SMPX: variants seen among roughly 807,000 people sequenced by gnomAD.
SMPX encodes small muscle protein X-linked.
In SMPX, 2 loss-of-function variants were observed where a neutral mutation model predicts 6.3. The observed-to-expected ratio is 0.32, with a 90% CI of 0.13 to 0.99. The LOEUF is 0.99. Among genes scored for constraint, SMPX ranks in the 50% least tolerant of loss-of-function variants. SMPX has a pLI of 0.49. For missense variants in SMPX, 60 were observed against 66.8 expected, an observed-to-expected ratio of 0.90 and a Z score of 0.36; for synonymous variants, 32 against 24.7, an observed-to-expected ratio of 1.30 and a Z score of -0.88.
chrX:21,737,914 CAAGT>C (rs2092812224), intron 3 of SMPX, among the ~76,000 whole-genome samples: 1 of 112,438 alleles, frequency 8.9e-6, no homozygotes, highest in Admixed American at 9.4e-5. Context: ...AAGAAGAAAA[CAAGT>C]AATTTCCACA....
intron 3 of SMPX, among the ~76,000 whole-genome samples, chrX:21,743,227 GTTGT>G (rs199524111): frequency 0.015 from 1,642 of 111,824 alleles, 36 homozygotes; most frequent in South Asian, 0.088. Context: ...TTGTTTGTTT[GTTGT>G]TTATTTGAAT....
At chrX:21,718,094 T>G (rs1255284402) in intron 4 of SMPX, among the ~76,000 whole-genome samples, 1 of 110,882 alleles carries the variant, frequency 9.0e-6, no homozygotes, top group Non-Finnish European at 1.9e-5. Context: ...TTTTGTGGGG[T>G]TTGGTTTTGT....
chrX:21,757,026 T>C (rs1389044257), intron 1 of SMPX, among the ~76,000 whole-genome samples: 1 of 111,957 alleles, frequency 8.9e-6, no homozygotes, highest in Non-Finnish European at 1.9e-5. Flanking sequence ...GGGCAGCACC[T>C]AATATCTGAC....
intron 4 of SMPX, chrX:21,727,656 C>T (rs1182808804): frequency 8.9e-6 from 1 of 111,901 alleles, no homozygotes; most frequent in Non-Finnish European, 1.9e-5. Context: ...AATCTGTCGA[C>T]TGCTTAATAG....
chrX:21,726,423 G>A (rs16999162), intron 4 of SMPX, among the ~76,000 whole-genome samples: 6,319 of 112,433 alleles, frequency 0.056, 409 homozygotes, highest in African/African-American at 0.19. Context: ...ATAGGACACT[G>A]GGATTTTAGA....
chrX:21,724,049 A>G (rs957098437), intron 4 of SMPX, among the ~76,000 whole-genome samples: 16 of 112,191 alleles, frequency 1.4e-4, no homozygotes, highest in African/African-American at 4.9e-4. Flanking sequence ...AAGCAGGTCT[A>G]TAATTGGCCC....
At chrX:21,710,105 C>T (rs1012873280) in intron 4 of SMPX, among the ~76,000 whole-genome samples, 3 of 111,866 alleles carry the variant, frequency 2.7e-5, no homozygotes, top group African/African-American at 9.7e-5. Flanking sequence ...ATAAGATGTC[C>T]TTCACGACTG....
At chrX:21,708,401 T>C (rs1257352650) in intron 4 of SMPX, among the ~76,000 whole-genome samples, 2 of 112,609 alleles carry the variant, frequency 1.8e-5, no homozygotes, top group Non-Finnish European at 3.8e-5. Context: ...AGCTTCTCTT[T>C]CTTGTATATT....
At position 21,706,361 on chromosome X, in the gene SMPX, C is replaced by T. The variant is rs959091000; in HGVS notation, c.*48G>A. On this transcript the variant is annotated 3_prime_UTR_variant, in exon 5 of 5. Transcript: ENST00000379494. Reference sequence around the variant, plus strand: ...ATAAAATTTTAGTGAGCTATTGAATCCATCTTCTGCCTCTTTATTTCTTCA... The same window carrying T: ...ATAAAATTTTAGTGAGCTATTGAATTCATCTTCTGCCTCTTTATTTCTTCA... 2.3e-6 allele frequency: 1 copy of T among 430,806 alleles called. No individual in the cohort carries two copies. Among genetic ancestry groups the T allele is most frequent in the Non-Finnish European group, 4.2e-6 (1 of 239,684 alleles). The allele number at this position is 430,806 out of a possible 1,213,427, so 35.5% of individuals were successfully genotyped here.
chrX:21,736,621 T>C (rs2092810706), intron 4 of SMPX, among the ~76,000 whole-genome samples: 1 of 111,844 alleles, frequency 8.9e-6, no homozygotes, highest in Non-Finnish European at 1.9e-5. Context: ...GAACACTCAA[T>C]AAATATCGAT....
chrX:21,749,410 G>A (rs2092825019), intron 2 of SMPX, among the ~76,000 whole-genome samples: 1 of 111,844 alleles, frequency 8.9e-6, no homozygotes, highest in South Asian at 3.8e-4. Context: ...TAAAGGTTGA[G>A]TTCTTTAAAA....
chrX:21,743,844 A>G lies in SMPX; in HGVS notation c.46-8T>C. On this transcript the variant is annotated splice_polypyrimidine_tract_variant and splice_region_variant and intron_variant, in intron 2 of 4. Coordinates refer to ENST00000379494, the MANE Select transcript of SMPX (RefSeq NM_014332.3). ...TGGAATATTGATATTTGCCTAAAAG[A>G]GAAAACAGGGTAGGTTTAGCTCAAA... 2.6e-6 allele frequency: 3 copies of G among 1,170,406 alleles called. No individual in the cohort carries two copies. Among genetic ancestry groups the G allele is most frequent in the Non-Finnish European group, 3.5e-6 (3 of 857,841 alleles).
intron 1 of SMPX, among the ~76,000 whole-genome samples, chrX:21,757,149 TG>T (rs1426871008): frequency 8.9e-6 from 1 of 112,339 alleles, no homozygotes; most frequent in East Asian, 2.8e-4. Flanking sequence ...GAGCTTTGTT[TG>T]TTCTTTTTAA....
At chrX:21,723,625 C>T (rs1337522241) in intron 4 of SMPX, among the ~76,000 whole-genome samples, 1 of 112,117 alleles carries the variant, frequency 8.9e-6, no homozygotes, top group African/African-American at 3.2e-5. Context: ...CCTACATGTT[C>T]AGTGAGGTTG....
intron 4 of SMPX, among the ~76,000 whole-genome samples, chrX:21,711,750 G>A (rs984441782): frequency 1.8e-5 from 2 of 111,846 alleles, no homozygotes; most frequent in Non-Finnish European, 3.8e-5. Context: ...CAGGGGCAGT[G>A]CAATGATTAC....
intron 4 of SMPX, among the ~76,000 whole-genome samples, chrX:21,727,956 G>A (rs1004912348): frequency 1.8e-5 from 2 of 111,993 alleles, no homozygotes; most frequent in African/African-American, 6.5e-5. Flanking sequence ...AGTTTTCTGC[G>A]TGGGCTGCAC....
intron 3 of SMPX, among the ~76,000 whole-genome samples, chrX:21,742,582 A>C (rs2092817197): frequency 9.0e-6 from 1 of 111,648 alleles, no homozygotes; most frequent in Non-Finnish European, 1.9e-5. Flanking sequence ...GGTTTTTCCA[A>C]CTTGTATGTT....
chrX:21,715,306 GCGCACGCGCGCGCGCT>G (rs1569303779), intron 4 of SMPX, among the ~76,000 whole-genome samples: 1 of 97,075 alleles, frequency 1.0e-5, no homozygotes, highest in African/African-American at 5.4e-5. Context: ...GTGTGTGTGC[GCGCACGCGCGCGCGCT>G]CGCGCGCTGG....
intron 4 of SMPX, among the ~76,000 whole-genome samples, chrX:21,732,510 A>C (rs1187064386): frequency 8.9e-6 from 1 of 112,105 alleles, no homozygotes; most frequent in Non-Finnish European, 1.9e-5. Context: ...GAATGTCTAC[A>C]TTTCTAAGTG....
Sources: allele counts gnomAD v4.1 joint callset (sites outside exome capture counted in the v4.1 genomes callset), GRCh38; gene constraint gnomAD v4.1.1; transcripts MANE v1.5; gene names NCBI Gene and HGNC (gene_info 2026-07-23, HGNC 2026-07-21).